Variants in PRSS50 observed in about 807,000 individuals in gnomAD.
PRSS50 encodes probable threonine protease PRSS50.
A neutral mutation model predicts 34.2 loss-of-function variants in PRSS50; 23 were observed. The observed-to-expected ratio is 0.67, with a 90% CI of 0.48 to 0.95. The LOEUF is 0.95. Ranked by LOEUF, PRSS50 falls within the 40% of genes least tolerant of loss-of-function variation. The pLI is 0.00. For missense variants in PRSS50, 484 were observed against 513.4 expected, an observed-to-expected ratio of 0.94 and a Z score of 0.55; for synonymous variants, 224 against 211.2, an observed-to-expected ratio of 1.06 and a Z score of -0.53.
In PRSS50 at chr3:46,717,839, C is replaced by G. The variant is rs907049942; in HGVS notation, c.-15G>C. 8.1e-6 allele frequency: 12 copies of G among 1,482,634 alleles called. No individual in the cohort carries two copies. The highest frequency in any genetic ancestry group is 4.2e-5 in the African/African-American group (3 of 70,640). The allele number at this position is 1,482,634 out of a possible 1,614,324, so 91.8% of individuals were successfully genotyped here. A position where few individuals can be genotyped will look rare whatever the true frequency, so the allele number is the denominator to read the frequency against. ...CAGCGACCCATCCCGGGGTGGCAGC[C>G]GACTGCGTCTCTCCGGAAGGCGCTC... On this transcript the variant is annotated 5_prime_UTR_variant, in exon 1 of 6. Coordinates refer to ENST00000315170, the MANE Select transcript of PRSS50 (RefSeq NM_013270.5). This position sits in a 1 kb window ranked among gnomAD's most constrained non-coding sequence, Gnocchi z 4.5.
In PRSS50 at chr3:46,717,096, A is replaced by G. The variant is rs1158180237; in HGVS notation, c.307+341T>C. Reference sequence around the variant, plus strand: ...CTGGCTGGGAGCCTGGGTCAGAGGCATGATGGGTGTCAGGGCCTGGAGCAG... The same window carrying G: ...CTGGCTGGGAGCCTGGGTCAGAGGCGTGATGGGTGTCAGGGCCTGGAGCAG... On this transcript the variant is annotated intron_variant, in intron 2 of 5. Transcript: ENST00000315170. This position sits in a 1 kb window ranked among gnomAD's most constrained non-coding sequence, Gnocchi z 4.5. Among the ~76,000 whole-genome samples the G allele has an allele frequency of 6.6e-6, 1 of 152,186 alleles. No individual in the cohort carries two copies. Among genetic ancestry groups the G allele is most frequent in the Non-Finnish European group, 1.5e-5 (1 of 68,024 alleles).
chr3:46,712,565 C>T, intron 5 of PRSS50, 83 bp from the exon 6 acceptor site: 1 of 1,272,236 alleles, frequency 7.9e-7, no homozygotes, highest in Non-Finnish European at 1.1e-6. Context: ...GCGGGATGTC[C>T]TCACACCACA....
In PRSS50 at chr3:46,715,506, C is replaced by T; in HGVS notation, c.470+29G>A. 1 of 1,596,532 alleles carries T rather than the reference C, an allele frequency of 6.3e-7. No individual in the cohort carries two copies. Among genetic ancestry groups the T allele is most frequent in the Non-Finnish European group, 8.6e-7 (1 of 1,166,100 alleles). On this transcript the variant is annotated intron_variant, in intron 3 of 5. Coordinates refer to ENST00000315170, the MANE Select transcript of PRSS50 (RefSeq NM_013270.5). This position sits in a 1 kb window ranked among gnomAD's most constrained non-coding sequence, Gnocchi z 5.2. ...GCCCACAGCAGCTCCAAATACCTCTCCACCCACCCCACCTCAGCCTTGACT... is the reference window on the plus strand; with the variant it reads ...GCCCACAGCAGCTCCAAATACCTCTTCACCCACCCCACCTCAGCCTTGACT...
Position 46,715,705 on chromosome 3 carries a change from G to C in PRSS50, c.308-8C>G. The C allele has an allele frequency of 6.3e-7, 1 of 1,584,956 alleles. No homozygotes were observed. Among genetic ancestry groups the C allele is most frequent in the Non-Finnish European group, 8.6e-7 (1 of 1,163,732 alleles). ...CGTAGGAAAAGCCACAGGCTGAGGAGGAAGGTGAGAGCTTGATGAGGGATG... is the reference window on the plus strand; with the variant it reads ...CGTAGGAAAAGCCACAGGCTGAGGACGAAGGTGAGAGCTTGATGAGGGATG... On this transcript the variant is annotated splice_polypyrimidine_tract_variant and splice_region_variant and intron_variant, in intron 2 of 5. Coordinates refer to ENST00000315170, the MANE Select transcript of PRSS50 (RefSeq NM_013270.5). This position sits in a 1 kb window ranked among gnomAD's most constrained non-coding sequence, Gnocchi z 5.2.
chr3:46,712,571 C>A (rs1700634179), intron 5 of PRSS50, 89 bp from the exon 6 acceptor site: 1 of 1,176,634 alleles, frequency 8.5e-7, no homozygotes, highest in African/African-American at 1.5e-5. Flanking sequence ...TGTCCTCACA[C>A]CACACCTCCA....
Position 46,717,608 on chromosome 3 carries a change from C to T in PRSS50, c.136G>A (p.Ala46Thr), listed in dbSNP as rs1700702231. ...TCGGCGGGATCAGCAGTGGACAGCG[C>T]CCCCGGGGCTTCCCCTGCGCCCCAG... ...GCWGAGEAPG[A>T]LSTADPADQS... The change falls in exon 2 of 6, where the codon GCG (alanine) becomes ACG (threonine). Residue 46 changes from alanine to threonine, a missense_variant. Transcript: ENST00000315170. The surrounding 1 kb of genome is among the most constrained non-coding windows in gnomAD (Gnocchi z 4.5). 6.2e-7 allele frequency: 1 copy of T among 1,613,204 alleles called. No individual in the cohort carries two copies. The highest frequency in any genetic ancestry group is 1.3e-5 in the African/African-American group (1 of 75,034).
chr3:46,712,949 C>T lies in PRSS50; in HGVS notation c.873G>A (p.Lys291=), dbSNP rs775824992. ...TGTCCTCCGCACACATCATCTGGGACTTGATGATCTGAACCAGAGTGGGGA... is the reference window on the plus strand; with the variant it reads ...TGTCCTCCGCACACATCATCTGGGATTTGATGATCTGAACCAGAGTGGGGA... ...TKIPTLVQII[K]SQMMCAEDTH... is the part of the protein sequence containing the mutation. Residue 291 remains lysine (K), a synonymous_variant, in exon 5 of 6, where the codon AAG becomes AAA. Coordinates refer to ENST00000315170, the MANE Select transcript of PRSS50 (RefSeq NM_013270.5). 2.5e-6 allele frequency: 4 copies of T among 1,614,190 alleles called. No homozygotes were observed. The highest frequency in any genetic ancestry group is 1.1e-5 in the South Asian group (1 of 91,082).
Position 46,712,369 on chromosome 3 carries a change from C to G in PRSS50, c.1035G>C (p.Gln345His), listed in dbSNP as rs1253319349. 1 of 1,613,816 alleles carries G rather than the reference C, an allele frequency of 6.2e-7. No individual in the cohort carries two copies. The highest frequency in any genetic ancestry group is 8.5e-7 in the Non-Finnish European group (1 of 1,179,960). Reference sequence around the variant, plus strand: ...AGATCCAGTGTTGGTAGGAGGAGACCTGTAGGTAGATGGGTGGGGCCTCGC... The same window carrying G: ...AGATCCAGTGTTGGTAGGAGGAGACGTGTAGGTAGATGGGTGGGGCCTCGC... ...QKSEAPPIYL[Q>H]VSSYQHWIWD... Residue 345 changes from glutamine to histidine, a missense_variant, in exon 6 of 6, where the codon CAG becomes CAC. Physicochemically the swap from Gln to His is conservative, Grantham distance 24. Transcript: ENST00000315170.
chr3:46,715,843 C>G lies in PRSS50; in HGVS notation c.308-146G>C. 1.1e-6 allele frequency: 1 copy of G among 876,248 alleles called. No individual in the cohort carries two copies. 54.3% of individuals were successfully genotyped at this position (876,248 alleles called of 1,614,324 possible). A position where few individuals can be genotyped will look rare whatever the true frequency, so the allele number is the denominator to read the frequency against. Reference sequence around the variant, plus strand: ...ACCTGTCACCATGGAATGATGCTGTCCACATGTGGACTGGAGTCTCATGCC... The same window carrying G: ...ACCTGTCACCATGGAATGATGCTGTGCACATGTGGACTGGAGTCTCATGCC... On this transcript the variant is annotated intron_variant, in intron 2 of 5. Coordinates refer to ENST00000315170, the MANE Select transcript of PRSS50 (RefSeq NM_013270.5). This position sits in a 1 kb window ranked among gnomAD's most constrained non-coding sequence, Gnocchi z 5.2.
At position 46,715,399 on chromosome 3, in the gene PRSS50, C is replaced by T; in HGVS notation, c.470+136G>A. ...GAGCTCTGAAGGAATTTTCAGGACT[C>T]AGCCTCCACCTGCTTGGAGCCCAGA... On this transcript the variant is annotated intron_variant, in intron 3 of 5. Transcript: ENST00000315170. This position sits in a 1 kb window ranked among gnomAD's most constrained non-coding sequence, Gnocchi z 5.2. The T allele has an allele frequency of 8.4e-7, 1 of 1,188,280 alleles. No homozygotes were observed. The highest frequency in any genetic ancestry group is 1.2e-6 in the Non-Finnish European group (1 of 860,058). The allele number at this position is 1,188,280 out of a possible 1,614,324, so 73.6% of individuals were successfully genotyped here.
Position 46,715,214 on chromosome 3 carries a change from C to T in PRSS50, c.470+321G>A, listed in dbSNP as rs1700663803. 6.6e-6 allele frequency among the ~76,000 whole-genome samples: 1 copy of T among 152,204 alleles called. No homozygotes were observed. Among genetic ancestry groups the T allele is most frequent in the African/African-American group, 2.4e-5 (1 of 41,448 alleles). On this transcript the variant is annotated intron_variant, in intron 3 of 5. Coordinates refer to ENST00000315170, the MANE Select transcript of PRSS50 (RefSeq NM_013270.5). This position sits in a 1 kb window ranked among gnomAD's most constrained non-coding sequence, Gnocchi z 5.2. ...GAAGGGAGGAACAAGGATGTGGGTG[C>T]AAAGGGGGTGAAATGAAAGAACTAG...
chr3:46,714,248 C>T lies in PRSS50; in HGVS notation c.724G>A (p.Val242Met). The T allele has an allele frequency of 6.2e-7, 1 of 1,614,138 alleles. No individual in the cohort carries two copies. Among genetic ancestry groups the T allele is most frequent in the Admixed American group, 1.7e-5 (1 of 60,020 alleles). The change falls in exon 4 of 6, where the codon GTG becomes ATG. Residue 242 changes from valine to methionine, a missense_variant. Physicochemically the swap from Val to Met is conservative, Grantham distance 21 (BLOSUM62 1). Coordinates refer to ENST00000315170, the MANE Select transcript of PRSS50 (RefSeq NM_013270.5). ...GCCTTGGAAAGTCCCCAGCCCGTCA[C>T]AGTGCAGCGGGAATGGTCCTTCAAC... ...YVLKDHSRCT[V>M]TGWGLSKADG...
chr3:46,714,330 C>T lies in PRSS50; in HGVS notation c.642G>A (p.Gln214=). Residue 214 remains glutamine, a synonymous_variant, in exon 4 of 6, where the codon CAG becomes CAA. Coordinates refer to ENST00000315170, the MANE Select transcript of PRSS50 (RefSeq NM_013270.5). ...GCACGTAATTGCTGTACTTGAGTTC[C>T]TGCTTGAGCTTGAGGAGGCCGATGT... is the stretch of plus-strand genomic sequence containing the variant. The part of the protein sequence containing the change: ...ANDIGLLKLK[Q]ELKYSNYVRP... The T allele has an allele frequency of 1.2e-6, 2 of 1,614,138 alleles. No homozygotes were observed. The highest frequency in any genetic ancestry group is 1.3e-5 in the African/African-American group (1 of 75,042).
intron 3 of PRSS50, 63 bp from the exon 4 acceptor site, chr3:46,714,564 G>T: frequency 6.8e-7 from 1 of 1,474,924 alleles, no homozygotes; most frequent in Non-Finnish European, 9.0e-7. Context: ...CCTCCAGCCT[G>T]GGCCTTCCCC....
chr3:46,717,714 C>G lies in PRSS50; in HGVS notation c.106+5G>C. The G allele has an allele frequency of 1.9e-6, 3 of 1,598,106 alleles. No individual in the cohort carries two copies. Among genetic ancestry groups the G allele is most frequent in the Non-Finnish European group, 2.6e-6 (3 of 1,172,918 alleles). On this transcript the variant is annotated splice_donor_5th_base_variant and intron_variant, in intron 1 of 5. Coordinates refer to ENST00000315170, the MANE Select transcript of PRSS50 (RefSeq NM_013270.5). The surrounding 1 kb of genome is among the most constrained non-coding windows in gnomAD (Gnocchi z 4.5). ...CGGGTGGGGTAGGGATCGGGAGGGA[C>G]TCACCTGCAGACCTCAGCAACAGAA...
At position 46,715,076 on chromosome 3, in the gene PRSS50, A is replaced by G. The variant is rs541415039; in HGVS notation, c.470+459T>C. The stretch of plus-strand genomic sequence containing the variant: ...ACACCAACCAGGCACCCTTGTGAGC[A>G]TCTATCTTCCTTTCTGTCTCCCCCA... On this transcript the variant is annotated intron_variant, in intron 3 of 5. Transcript: ENST00000315170. The surrounding 1 kb of genome is among the most constrained non-coding windows in gnomAD (Gnocchi z 5.2). Among the ~76,000 whole-genome samples, 1 of 152,316 alleles carries G rather than the reference A, an allele frequency of 6.6e-6. No individual in the cohort carries two copies. Among genetic ancestry groups the G allele is most frequent in the African/African-American group, 2.4e-5 (1 of 41,574 alleles).
chr3:46,716,636 A>G lies in PRSS50; in HGVS notation c.307+801T>C, dbSNP rs559380039. 1.3e-5 allele frequency among the ~76,000 whole-genome samples: 2 copies of G among 152,310 alleles called. No homozygotes were observed. Among genetic ancestry groups the G allele is most frequent in the African/African-American group, 4.8e-5 (2 of 41,572 alleles). ...GCCTGGCAAAAACGCAACATCTGTG[A>G]CACCGAGTGTCAGTGAGGATTATCA... On this transcript the variant is annotated intron_variant, in intron 2 of 5. Coordinates refer to ENST00000315170, the MANE Select transcript of PRSS50 (RefSeq NM_013270.5). This position sits in a 1 kb window ranked among gnomAD's most constrained non-coding sequence, Gnocchi z 4.4.
Position 46,716,140 on chromosome 3 carries a change from G to GA in PRSS50, c.308-444dup. Among the ~76,000 whole-genome samples, 1 of 152,300 alleles carries GA rather than the reference G, an allele frequency of 6.6e-6. No homozygotes were observed. Among genetic ancestry groups the GA allele is most frequent in the East Asian group, 1.9e-4 (1 of 5,180 alleles). ...TGAGAGGAAAGTGGATGCCCCAACA[G>GA]AAAAATGGGCATAGTCCAAGGAGAA... On this transcript the variant is annotated intron_variant, in intron 2 of 5. Transcript: ENST00000315170. The surrounding 1 kb of genome is among the most constrained non-coding windows in gnomAD (Gnocchi z 4.4).
chr3:46,713,117 C>G (rs1700640396), intron 4 of PRSS50, 50 bp from the exon 5 acceptor site: 6 of 1,596,336 alleles, frequency 3.8e-6, no homozygotes, highest in Non-Finnish European at 3.4e-6. Context: ...CTGCCCACTA[C>G]CGCCAGCCTC....
Sources: allele counts gnomAD v4.1 joint callset (sites outside exome capture counted in the v4.1 genomes callset), GRCh38; gene constraint gnomAD v4.1.1; non-coding constraint Gnocchi (gnomAD v3.1); transcripts MANE v1.5; gene names NCBI Gene and HGNC (gene_info 2026-07-23, HGNC 2026-07-21).